Variants in GPHN observed in about 807,000 individuals in gnomAD.
The protein encoded by GPHN is gephyrin.
A neutral mutation model predicts 95.5 loss-of-function variants in GPHN; 17 were observed. The observed-to-expected ratio is 0.18, with a 90% CI of 0.12 to 0.27. The LOEUF (loss-of-function observed/expected upper bound fraction) is 0.27. Among genes scored for constraint, GPHN ranks in the 10% least tolerant of loss-of-function variants. The pLI is 1.00. For missense variants in GPHN, 660 were observed against 978.1 expected (o/e 0.67, Z 4.34); for synonymous variants, 320 against 322.5 (o/e 0.99, Z 0.08).
At chr14:67,522,109 G>T in the GPHN span, among the ~76,000 whole-genome samples, 1 of 152,206 alleles carries the variant, frequency 6.6e-6, no homozygotes, top group Non-Finnish European at 1.5e-5. Context: ...GGAGGCGGAG[G>T]TTGCAGTGAG....
At chr14:66,957,128 AAAG>A (rs901926143) in intron 8 of GPHN, among the ~76,000 whole-genome samples, 5 of 151,492 alleles carry the variant, frequency 3.3e-5, no homozygotes, top group Non-Finnish European at 5.9e-5. Flanking sequence ...AATAAAAAAA[AAAG>A]AAAAAAAAAG....
the GPHN span, among the ~76,000 whole-genome samples, chr14:67,555,075 G>T: frequency 1.3e-5 from 2 of 152,020 alleles, no homozygotes; most frequent in East Asian, 3.9e-4. Flanking sequence ...GCCACGCTCA[G>T]CTAATTAAAA....
the GPHN span, among the ~76,000 whole-genome samples, chr14:67,266,298 T>G: frequency 6.6e-6 from 1 of 152,122 alleles, no homozygotes. Context: ...AATAATAATT[T>G]CAGAGCTAAT....
the GPHN span, among the ~76,000 whole-genome samples, chr14:67,370,182 G>C: frequency 2.0e-5 from 3 of 152,232 alleles, no homozygotes; most frequent in Non-Finnish European, 4.4e-5. Flanking sequence ...GGGCGGGCCA[G>C]GTGTTCCTTG....
At chr14:67,142,864 G>A (rs2080570111) in intron 17 of GPHN, 1 of 199,898 alleles carries the variant, frequency 5.0e-6, no homozygotes, top group African/African-American at 2.3e-5. Context: ...AGATCCTCTT[G>A]ATTACAAAGC....
intron 1 of GPHN, among the ~76,000 whole-genome samples, chr14:66,632,588 G>A (rs184757287): frequency 6.6e-6 from 1 of 151,070 alleles, no homozygotes; most frequent in African/African-American, 2.4e-5. Flanking sequence ...CTCCTCCCAG[G>A]TTCAAGTGAT....
At chr14:67,720,799 T>C in the GPHN span, 1 of 152,242 alleles carries the variant, frequency 6.6e-6, no homozygotes, top group Non-Finnish European at 1.5e-5. Flanking sequence ...TGTTTGTGTA[T>C]TTTCATAATT....
At chr14:66,533,031 A>C (rs1216839702) in intron 1 of GPHN, among the ~76,000 whole-genome samples, 2 of 152,214 alleles carry the variant, frequency 1.3e-5, no homozygotes, top group Non-Finnish European at 2.9e-5. Flanking sequence ...AGGGATGCTG[A>C]GTGTGTAGTC....
intron 1 of GPHN, among the ~76,000 whole-genome samples, chr14:66,615,473 C>CTTT (rs59401816): frequency 7.4e-6 from 1 of 135,914 alleles, no homozygotes; most frequent in Non-Finnish European, 1.6e-5. Flanking sequence ...TGGTGTTGAG[C>CTTT]TTTTTTTTTT....
chr14:66,557,578 A>C (rs17182703), intron 1 of GPHN, among the ~76,000 whole-genome samples: 8,905 of 152,300 alleles, frequency 0.058, 357 homozygotes, highest in Middle Eastern at 0.099. Context: ...TTTTGCATTA[A>C]ATCATAAGTT....
At chr14:67,152,049 G>A (rs2081315434) in intron 18 of GPHN, among the ~76,000 whole-genome samples, 3 of 152,118 alleles carry the variant, frequency 2.0e-5, no homozygotes, top group Non-Finnish European at 2.9e-5. Flanking sequence ...CTCTGGAATT[G>A]TTAAAGTTTA....
chr14:67,490,213 A>G, the GPHN span, among the ~76,000 whole-genome samples: 1 of 152,174 alleles, frequency 6.6e-6, no homozygotes, highest in African/African-American at 2.4e-5. Flanking sequence ...TGAGCCATAC[A>G]TGTTGGTTTA....
chr14:67,340,576 T>C, the GPHN span: 2 of 1,371,414 alleles, frequency 1.5e-6, no homozygotes, highest in Non-Finnish European at 2.1e-6. Context: ...TTTCAAATTA[T>C]CAGTGCTCAT....
At chr14:66,614,664 G>A (rs181233891) in intron 1 of GPHN, among the ~76,000 whole-genome samples, 8 of 148,146 alleles carry the variant, frequency 5.4e-5, no homozygotes, top group Non-Finnish European at 7.4e-5. Flanking sequence ...TTTTTGTCTC[G>A]TTTCCAATTT....
At chr14:66,711,169 T>C (rs935159807) in intron 2 of GPHN, among the ~76,000 whole-genome samples, 1 of 152,142 alleles carries the variant, frequency 6.6e-6, no homozygotes, top group Non-Finnish European at 1.5e-5. Context: ...CACTGCACCC[T>C]ATTTGTAGTC....
At chr14:67,591,068 A>G in the GPHN span, among the ~76,000 whole-genome samples, 4 of 152,308 alleles carry the variant, frequency 2.6e-5, no homozygotes, top group Middle Eastern at 3.4e-3. Context: ...TACCTAAAAT[A>G]TATAAAGAAT....
At chr14:66,933,929 A>T (rs938835097) in intron 8 of GPHN, among the ~76,000 whole-genome samples, 1 of 152,060 alleles carries the variant, frequency 6.6e-6, no homozygotes, top group African/African-American at 2.4e-5. Flanking sequence ...TCTTAAACCC[A>T]GGAGTTTGAG....
At chr14:67,325,813 CT>C in the GPHN span, among the ~76,000 whole-genome samples, 204 of 142,786 alleles carry the variant, frequency 1.4e-3, no homozygotes, top group Non-Finnish European at 1.4e-3. Context: ...TGTTAAGCAT[CT>C]TTTTTTTTTT....
chr14:67,284,853 T>A, the GPHN span, among the ~76,000 whole-genome samples: 1 of 152,176 alleles, frequency 6.6e-6, no homozygotes, highest in Non-Finnish European at 1.5e-5. Flanking sequence ...TGAATTAATA[T>A]TCCACTGTAC....
Sources: gnomAD v4.1 joint callset for allele counts (sites outside exome capture counted in the v4.1 genomes callset) on GRCh38, gnomAD v4.1.1 for gene constraint, MANE v1.5 for transcripts, NCBI Gene and HGNC (gene_info 2026-07-23, HGNC 2026-07-21) for gene names.